Variants in OPCML observed in about 807,000 individuals in gnomAD.
The protein encoded by OPCML is opioid binding protein/cell adhesion molecule like, also known as opioid-binding protein/cell adhesion molecule.
Under a neutral mutation model 37.8 loss-of-function variants are expected in OPCML, and 13 were observed. That is an observed-to-expected ratio of 0.34 (90% CI 0.22 to 0.55). The LOEUF is 0.55. Among genes scored for constraint, OPCML ranks in the 20% least tolerant of loss-of-function variants. OPCML has a pLI of 0.91. For missense variants in OPCML, 341 were observed against 435.6 expected (o/e 0.78, Z 1.93); for synonymous variants, 176 against 168.8 (o/e 1.04, Z -0.33).
Position 132,754,480 on chromosome 11 carries a change from C to A in OPCML, c.147-97161G>T, listed in dbSNP as rs148817777. 3.9e-3 allele frequency among the ~76,000 whole-genome samples: 598 copies of A among 152,232 alleles called. 7 individuals carry two copies. Among genetic ancestry groups the A allele is most frequent in the African/African-American group, 0.014 (575 of 41,522 alleles). ...ACCTTCCACCATGATTGTGAGGCTT[C>A]CCAGCCACATGGAACTGTAAGTCCA... On this transcript the variant is annotated intron_variant, in intron 2 of 7. Coordinates refer to ENST00000524381, the MANE Select transcript of OPCML (RefSeq NM_001012393.5).
intron 1 of OPCML, among the ~76,000 whole-genome samples, chr11:132,989,558 A>AGGACCATGCGCTGGAGATGCAGGTT: frequency 6.7e-6 from 1 of 150,246 alleles, no homozygotes; most frequent in Admixed American, 6.6e-5. Flanking sequence ...TGGATGGGGG[A>AGGACCATGCGCTGGAGATGCAGGTT]GGACCATGCG....
intron 1 of OPCML, among the ~76,000 whole-genome samples, chr11:133,106,276 C>T (rs1225402157): frequency 1.3e-5 from 2 of 152,188 alleles, no homozygotes; most frequent in Non-Finnish European, 2.9e-5. Flanking sequence ...TCATCATCAA[C>T]GTATGCTCAC....
At chr11:133,314,100 T>TG (rs368109471) in intron 1 of OPCML, among the ~76,000 whole-genome samples, 18,005 of 150,158 alleles carry the variant, frequency 0.12, 1,810 homozygotes, top group East Asian at 0.49. Context: ...CCGGGCGTAG[T>TG]GGCGGGCGCC....
chr11:133,371,404 T>C (rs905922607), intron 1 of OPCML, among the ~76,000 whole-genome samples: 7 of 152,188 alleles, frequency 4.6e-5, no homozygotes, highest in African/African-American at 1.7e-4. Flanking sequence ...ATAAGTAACA[T>C]GGTTTAGCTC....
intron 3 of OPCML, among the ~76,000 whole-genome samples, chr11:132,614,302 C>G (rs1938850490): frequency 6.6e-6 from 1 of 152,288 alleles, no homozygotes; most frequent in South Asian, 2.1e-4. Context: ...AATTTCACCT[C>G]CTTGATGAAG....
chr11:133,046,098 G>A lies in OPCML; in HGVS notation c.62-103088C>T, dbSNP rs917548241. Among the ~76,000 whole-genome samples the A allele has an allele frequency of 3.9e-5, 6 of 152,180 alleles. No homozygotes were observed. In the East Asian group the frequency reaches 5.8e-4, roughly 15 times the overall value. ...TGCCTCGCTCTGGAGACACCAGCCCGAGATTCGACCTGGGGAAGTGTGTGA... is the reference window on the plus strand; with the variant it reads ...TGCCTCGCTCTGGAGACACCAGCCCAAGATTCGACCTGGGGAAGTGTGTGA... On this transcript the variant is annotated intron_variant, in intron 1 of 7. Transcript: ENST00000524381.
chr11:132,975,964 G>T (rs1946453592), intron 1 of OPCML, among the ~76,000 whole-genome samples: 2 of 152,102 alleles, frequency 1.3e-5, no homozygotes, highest in African/African-American at 2.4e-5. Flanking sequence ...TAGAGACGGG[G>T]TTTCACCATG....
intron 1 of OPCML, among the ~76,000 whole-genome samples, chr11:132,977,857 T>C (rs531085072): frequency 5.8e-4 from 89 of 152,342 alleles, no homozygotes; most frequent in Non-Finnish European, 1.0e-3. Context: ...TTTTATTTAC[T>C]TTTTTTGCCC....
chr11:132,442,381 G>A (rs1240771703), intron 4 of OPCML, among the ~76,000 whole-genome samples: 1 of 152,124 alleles, frequency 6.6e-6, no homozygotes, highest in African/African-American at 2.4e-5. Context: ...CTCCCTTTAT[G>A]TCCTTTTGTG....
intron 2 of OPCML, among the ~76,000 whole-genome samples, chr11:132,721,439 G>T (rs1944667356): frequency 6.6e-6 from 1 of 152,162 alleles, no homozygotes; most frequent in African/African-American, 2.4e-5. Flanking sequence ...AGCTGGCTAG[G>T]GACCAGCAAG....
intron 1 of OPCML, among the ~76,000 whole-genome samples, chr11:133,207,625 C>CA (rs1468520292): frequency 6.6e-5 from 10 of 152,268 alleles, no homozygotes; most frequent in African/African-American, 2.4e-4. Context: ...TGAGATTCCT[C>CA]AAATTCTGAT....
At chr11:133,265,552 A>C (rs2136466568) in intron 1 of OPCML, among the ~76,000 whole-genome samples, 1 of 152,334 alleles carries the variant, frequency 6.6e-6, no homozygotes, top group Middle Eastern at 3.4e-3. Flanking sequence ...GTTTCTGACA[A>C]GCGCTTAAGA....
intron 1 of OPCML, among the ~76,000 whole-genome samples, chr11:133,143,214 G>A (rs1248911061): frequency 6.6e-6 from 1 of 152,222 alleles, no homozygotes; most frequent in Non-Finnish European, 1.5e-5. Context: ...ACTGAAGAGA[G>A]ACTGGTTAGA....
intron 3 of OPCML, among the ~76,000 whole-genome samples, chr11:132,613,459 T>G (rs2137861392): frequency 6.6e-6 from 1 of 152,348 alleles, no homozygotes; most frequent in South Asian, 2.1e-4. Context: ...AGCCAGCTAA[T>G]TGATTTTATA....
At chr11:132,999,571 G>C (rs1422869876) in intron 1 of OPCML, among the ~76,000 whole-genome samples, 1 of 141,208 alleles carries the variant, frequency 7.1e-6, no homozygotes, top group Non-Finnish European at 1.6e-5. Flanking sequence ...AATGGGGTCG[G>C]GGGGGGAATG....
chr11:133,458,749 A>ATATATACATATAGATGCACGTGTGTG (rs1946779738), intron 1 of OPCML, among the ~76,000 whole-genome samples: 1 of 30,910 alleles, frequency 3.2e-5, no homozygotes, highest in East Asian at 1.1e-3. Flanking sequence ...ACGTGTGTGT[A>ATATATACATATAGATGCACGTGTGTG]TATATACACA....
At chr11:132,876,686 C>T (rs373359287) in intron 2 of OPCML, among the ~76,000 whole-genome samples, 166 of 152,170 alleles carry the variant, frequency 1.1e-3, no homozygotes, top group African/African-American at 3.9e-3. Flanking sequence ...TTGGCAAGGC[C>T]CCGGATGAGC....
chr11:133,034,907 C>G (rs534756144), intron 1 of OPCML, among the ~76,000 whole-genome samples: 1 of 152,032 alleles, frequency 6.6e-6, no homozygotes, highest in Non-Finnish European at 1.5e-5. Context: ...TTCGCACGGG[C>G]ACCGGCAGAG....
rs555437879 is a variant in OPCML at position 132,899,730 on chromosome 11, T to A, written c.146+43196A>T. Among the ~76,000 whole-genome samples the A allele has an allele frequency of 1.5e-3, 226 of 152,216 alleles. 1 individual carries two copies. Among genetic ancestry groups the A allele is most frequent in the African/African-American group, 5.1e-3 (213 of 41,548 alleles). On this transcript the variant is annotated intron_variant, in intron 2 of 7. Transcript: ENST00000524381. Reference sequence around the variant, plus strand: ...GAGGAGACTGGCATGTGAGTCTAAGTGGACTCGGTGGGGAAGATCTGCCCT... The same window carrying A: ...GAGGAGACTGGCATGTGAGTCTAAGAGGACTCGGTGGGGAAGATCTGCCCT...
Sources: gnomAD v4.1 joint callset for allele counts (sites outside exome capture counted in the v4.1 genomes callset) on GRCh38, gnomAD v4.1.1 for gene constraint, MANE v1.5 for transcripts, NCBI Gene and HGNC (gene_info 2026-07-23, HGNC 2026-07-21) for gene names.